The following NRXN3 variants were observed in gnomAD, a reference collection of about 807,000 sequenced individuals.
NRXN3 encodes the protein neurexin 3.
In NRXN3, 32 loss-of-function variants were observed where a neutral mutation model predicts 137.6. The ratio of observed to expected loss-of-function variants is 0.23; its 90% CI spans 0.18 to 0.31. The LOEUF (loss-of-function observed/expected upper bound fraction) is 0.31. Among genes scored for constraint, NRXN3 ranks in the 10% least tolerant of loss-of-function variants. The pLI is 1.00. For missense variants in NRXN3, 1,574 were observed against 2,062.5 expected (o/e 0.76, Z 4.59); for synonymous variants, 798 against 784.5 (o/e 1.02, Z -0.29).
At chr14:78,752,740 C>G (rs906860072) in intron 8 of NRXN3, among the ~76,000 whole-genome samples, 2 of 152,154 alleles carry the variant, frequency 1.3e-5, no homozygotes, top group African/African-American at 4.8e-5. Flanking sequence ...AGGGCTAGTT[C>G]AGATTGGCTG....
At chr14:79,191,803 C>A (rs922382618) in intron 15 of NRXN3, among the ~76,000 whole-genome samples, 11 of 152,198 alleles carry the variant, frequency 7.2e-5, no homozygotes, top group African/African-American at 2.4e-4. Flanking sequence ...TATTTAAGAT[C>A]CTTGACCTTT....
At chr14:79,617,300 A>G (rs1475374943) in intron 16 of NRXN3, among the ~76,000 whole-genome samples, 2 of 152,192 alleles carry the variant, frequency 1.3e-5, no homozygotes, top group African/African-American at 4.8e-5. Context: ...ATAAATTTTT[A>G]CCCAATGGCT....
At chr14:79,295,593 A>C (rs1411130789) in intron 15 of NRXN3, among the ~76,000 whole-genome samples, 4 of 152,210 alleles carry the variant, frequency 2.6e-5, no homozygotes, top group Non-Finnish European at 5.9e-5. Context: ...TACCTAAGGC[A>C]GTGACTGGCA....
intron 20 of NRXN3, among the ~76,000 whole-genome samples, chr14:79,815,713 G>A (rs1049094904): frequency 6.6e-6 from 1 of 152,130 alleles, no homozygotes; most frequent in African/African-American, 2.4e-5. Context: ...TCCAGTTTCT[G>A]TATGGTGTAA....
chr14:78,185,739 A>G lies in NRXN3; in HGVS notation c.-704+15065A>G, dbSNP rs538081909. Among the ~76,000 whole-genome samples, 77 of 152,318 alleles carry G rather than the reference A, an allele frequency of 5.1e-4. 1 individual carries two copies. Among genetic ancestry groups the G allele is most frequent in the Admixed American group, 1.2e-3 (19 of 15,308 alleles). On this transcript the variant is annotated intron_variant, in intron 1 of 20. Transcript: ENST00000335750. ...AGAGCTCACACCAGCACACCTCACA[A>G]TGAAGATCTGGAGAGAATGACTTGT...
intron 15 of NRXN3, among the ~76,000 whole-genome samples, chr14:79,007,998 G>A (rs547253639): frequency 6.6e-6 from 1 of 152,096 alleles, no homozygotes; most frequent in South Asian, 2.1e-4. Context: ...GCTCAAGCAG[G>A]ACAGCCCAAG....
intron 16 of NRXN3, among the ~76,000 whole-genome samples, chr14:79,551,196 A>C (rs935553495): frequency 1.5e-4 from 23 of 152,176 alleles, no homozygotes; most frequent in Non-Finnish European, 3.2e-4. Context: ...TGCCTAATAA[A>C]TATTAACTCA....
At chr14:78,500,623 C>G (rs900334321) in intron 4 of NRXN3, among the ~76,000 whole-genome samples, 1 of 152,122 alleles carries the variant, frequency 6.6e-6, no homozygotes, top group Non-Finnish European at 1.5e-5. Flanking sequence ...GGATAGTACT[C>G]TACATGCATC....
chr14:78,467,839 C>T (rs1016733241), intron 4 of NRXN3, among the ~76,000 whole-genome samples: 2 of 152,104 alleles, frequency 1.3e-5, no homozygotes, highest in African/African-American at 2.4e-5. Context: ...CATACACACA[C>T]ACCACACACC....
chr14:78,306,839 C>T (rs2077419034), intron 4 of NRXN3, among the ~76,000 whole-genome samples: 1 of 152,128 alleles, frequency 6.6e-6, no homozygotes, highest in African/African-American at 2.4e-5. Flanking sequence ...GCTAAGTACA[C>T]AGAAACTGAG....
At chr14:78,418,204 G>A (rs969045382) in intron 4 of NRXN3, among the ~76,000 whole-genome samples, 4 of 152,160 alleles carry the variant, frequency 2.6e-5, no homozygotes, top group African/African-American at 7.2e-5. Context: ...TTAGCATTAC[G>A]TGAGAAATTA....
intron 16 of NRXN3, among the ~76,000 whole-genome samples, chr14:79,479,975 A>G (rs113039760): frequency 1.9e-3 from 288 of 152,334 alleles, no homozygotes; most frequent in Admixed American, 3.9e-3. Flanking sequence ...TAAATGCCAT[A>G]TCAGAAGTCC....
At chr14:79,539,926 A>AT (rs1422978751) in intron 16 of NRXN3, among the ~76,000 whole-genome samples, 3 of 151,810 alleles carry the variant, frequency 2.0e-5, no homozygotes, top group East Asian at 3.9e-4. Context: ...TCGTCTTGCT[A>AT]TTTTTTCTAG....
intron 15 of NRXN3, among the ~76,000 whole-genome samples, chr14:79,213,668 A>G (rs2068048410): frequency 6.6e-6 from 1 of 151,618 alleles, no homozygotes; most frequent in African/African-American, 2.4e-5. Flanking sequence ...CCTTTATTAC[A>G]TGGGTGAAGA....
At chr14:79,839,701 C>T (rs541323937) in intron 20 of NRXN3, among the ~76,000 whole-genome samples, 1 of 152,110 alleles carries the variant, frequency 6.6e-6, no homozygotes, top group South Asian at 2.1e-4. Context: ...AGGTCTTATC[C>T]CCCCAAAAAT....
intron 19 of NRXN3, among the ~76,000 whole-genome samples, chr14:79,712,669 G>A (rs1316389198): frequency 6.8e-6 from 1 of 146,866 alleles, no homozygotes; most frequent in East Asian, 1.9e-4. Flanking sequence ...ACCCATCAGT[G>A]CCACAGCCAA....
chr14:79,163,890 CCAACAA>C (rs60595523), intron 15 of NRXN3, among the ~76,000 whole-genome samples: 2 of 143,570 alleles, frequency 1.4e-5, no homozygotes, highest in Non-Finnish European at 3.2e-5. Context: ...AAAAATAATG[CCAACAA>C]CAACAACAAT....
chr14:78,490,862 T>C (rs1469420348), intron 4 of NRXN3, among the ~76,000 whole-genome samples: 1 of 152,184 alleles, frequency 6.6e-6, no homozygotes, highest in Non-Finnish European at 1.5e-5. Flanking sequence ...GGGGTAATAA[T>C]TTTTACCTGC....
rs1555573530 is a variant in NRXN3, at chr14:78,915,371, AAC to A, written c.2276-41870_2276-41869del. On this transcript the variant is annotated intron_variant, in intron 10 of 20. Transcript: ENST00000335750. ...AAAAAAAAAAAAAAAAAAAAAAAAAAACCACACAGAAAAAAAACAAGCAAGCA... is the reference window on the plus strand; with the variant it reads ...AAAAAAAAAAAAAAAAAAAAAAAAAACACACAGAAAAAAAACAAGCAAGCA... 1.7e-3 allele frequency among the ~76,000 whole-genome samples: 250 copies of A among 144,618 alleles called. 4 individuals are homozygous for A. The highest frequency in any genetic ancestry group is 6.4e-3 in the African/African-American group (239 of 37,462). 94.9% of individuals were successfully genotyped at this position (144,618 alleles called of 152,430 possible).
Sources: gnomAD v4.1 joint callset for allele counts (sites outside exome capture counted in the v4.1 genomes callset) on GRCh38, gnomAD v4.1.1 for gene constraint, MANE v1.5 for transcripts, NCBI Gene and HGNC (gene_info 2026-07-23, HGNC 2026-07-21) for gene names.